Variants in PPFIA2 observed in about 807,000 individuals in gnomAD.
The protein encoded by PPFIA2 is PPFI scaffold protein A2.
Under a neutral mutation model 175.5 loss-of-function variants are expected in PPFIA2, and 46 were observed. That is an observed-to-expected ratio of 0.26 (90% CI 0.21 to 0.34). PPFIA2 has a LOEUF of 0.34. Ranked by LOEUF, PPFIA2 falls within the 10% of genes least tolerant of loss-of-function variation. The probability of loss-of-function intolerance (pLI) is 1.00; values close to 1 mark genes in which losing one functional copy is unlikely to be tolerated. For synonymous variants in PPFIA2, 568 were observed against 511.4 expected (o/e 1.11, Z -1.49); for missense variants, 1,179 against 1,506.1 (o/e 0.78, Z 3.60).
At chr12:81,671,046 C>T (rs909277448) in intron 4 of PPFIA2, among the ~76,000 whole-genome samples, 1 of 151,956 alleles carries the variant, frequency 6.6e-6, no homozygotes, top group Non-Finnish European at 1.5e-5. Context: ...AAATAAATAG[C>T]TTTAAATGAG....
chr12:81,513,964 G>A (rs2062096939), intron 4 of PPFIA2, among the ~76,000 whole-genome samples: 2 of 151,924 alleles, frequency 1.3e-5, no homozygotes, highest in African/African-American at 4.8e-5. Flanking sequence ...AAATGAACAA[G>A]CAAAGAAACC....
intron 4 of PPFIA2, among the ~76,000 whole-genome samples, chr12:81,539,162 G>A (rs1247902934): frequency 1.3e-5 from 2 of 151,926 alleles, no homozygotes; most frequent in African/African-American, 4.8e-5. Flanking sequence ...GGGAGCAGTT[G>A]AGAGATGAAG....
chr12:81,268,973 T>C (rs567787931), intron 28 of PPFIA2, among the ~76,000 whole-genome samples: 1 of 152,332 alleles, frequency 6.6e-6, no homozygotes, highest in South Asian at 2.1e-4. Flanking sequence ...AATCACATGC[T>C]AATGCAAAAT....
chr12:81,444,411 T>C (rs2050834325), intron 6 of PPFIA2, among the ~76,000 whole-genome samples: 1 of 152,162 alleles, frequency 6.6e-6, no homozygotes, highest in Admixed American at 6.6e-5. Flanking sequence ...TCTTAGCACT[T>C]TTATAAAAAG....
intron 4 of PPFIA2, among the ~76,000 whole-genome samples, chr12:81,486,151 T>C (rs1294258727): frequency 6.6e-6 from 1 of 151,924 alleles, no homozygotes; most frequent in Non-Finnish European, 1.5e-5. Flanking sequence ...GCACTTAATA[T>C]GTATCAGCTT....
In PPFIA2 at chr12:81,323,388, C is replaced by T. The variant is rs138145595; in HGVS notation, c.2642+2389G>A. On this transcript the variant is annotated intron_variant, in intron 22 of 32. Transcript: ENST00000549396. ...GGATAGCACAGGTTGCAACTGTGTACGTACGATCTGTAGTGCTCAACATTA... is the reference window on the plus strand; with the variant it reads ...GGATAGCACAGGTTGCAACTGTGTATGTACGATCTGTAGTGCTCAACATTA... Among the ~76,000 whole-genome samples, 17 of 152,142 alleles carry T rather than the reference C, an allele frequency of 1.1e-4. No homozygotes were observed. The East Asian group carries it at 3.1e-3, about 28-fold the overall frequency.
At chr12:81,343,035 G>C (rs1203925191) in intron 19 of PPFIA2, among the ~76,000 whole-genome samples, 1 of 151,704 alleles carries the variant, frequency 6.6e-6, no homozygotes, top group Admixed American at 6.6e-5. Flanking sequence ...ATTAGAGAGG[G>C]ATTTGAATTC....
At chr12:81,403,459 G>A (rs1039413351) in intron 8 of PPFIA2, among the ~76,000 whole-genome samples, 12 of 152,198 alleles carry the variant, frequency 7.9e-5, no homozygotes, top group African/African-American at 2.7e-4. Context: ...TATATTGTTA[G>A]AGTAGGTAGT....
chr12:81,500,486 G>A (rs898610564), intron 4 of PPFIA2, among the ~76,000 whole-genome samples: 1 of 152,178 alleles, frequency 6.6e-6, no homozygotes, highest in Non-Finnish European at 1.5e-5. Flanking sequence ...AGTTTCCAGA[G>A]CAAAGGGCAC....
intron 3 of PPFIA2, among the ~76,000 whole-genome samples, chr12:81,734,099 C>T (rs2081271763): frequency 6.6e-6 from 1 of 151,812 alleles, no homozygotes; most frequent in Non-Finnish European, 1.5e-5. Context: ...CATATTACCA[C>T]TGTTTCCTAT....
At position 81,318,541 on chromosome 12, in the gene PPFIA2, C is replaced by T. The variant is rs1262384174; in HGVS notation, c.2642+7236G>A. ...CAGATTTGGATGCCTCTGTAAAAATCATCCTTAAGTATATTCTTTATCTAA... is the reference window on the plus strand; with the variant it reads ...CAGATTTGGATGCCTCTGTAAAAATTATCCTTAAGTATATTCTTTATCTAA... On this transcript the variant is annotated intron_variant, in intron 22 of 32. Coordinates refer to ENST00000549396, the MANE Select transcript of PPFIA2 (RefSeq NM_003625.5). 2.6e-5 allele frequency among the ~76,000 whole-genome samples: 4 copies of T among 151,630 alleles called. No individual in the cohort carries two copies. In the East Asian group the frequency reaches 7.7e-4, roughly 29 times the overall value.
chr12:81,616,322 G>T (rs57461231), intron 4 of PPFIA2, among the ~76,000 whole-genome samples: 1 of 151,920 alleles, frequency 6.6e-6, no homozygotes, highest in African/African-American at 2.4e-5. Context: ...CTTTTTCTCC[G>T]TCAAATTCTA....
chr12:81,638,264 C>T (rs2064383320), intron 4 of PPFIA2, among the ~76,000 whole-genome samples: 1 of 152,140 alleles, frequency 6.6e-6, no homozygotes, highest in South Asian at 2.1e-4. Context: ...GATCATCTGA[C>T]TGCATGGCAG....
At position 81,445,506 on chromosome 12, in the gene PPFIA2, T is replaced by C; in HGVS notation, c.570+50A>G. The C allele has an allele frequency of 3.9e-6, 6 of 1,553,914 alleles. No homozygotes were observed. In the East Asian group the frequency reaches 6.8e-5, roughly 18 times the overall value. ...CAATGGATGAAGACAAAGAGCTTGA[T>C]GCTGATGACAGAAGTGTAGTTAAGC... On this transcript the variant is annotated intron_variant, in intron 6 of 32. Coordinates refer to ENST00000549396, the MANE Select transcript of PPFIA2 (RefSeq NM_003625.5).
chr12:81,317,616 T>C (rs963871146), intron 22 of PPFIA2, among the ~76,000 whole-genome samples: 1 of 151,614 alleles, frequency 6.6e-6, no homozygotes, highest in African/African-American at 2.4e-5. Flanking sequence ...AACCCAGGTT[T>C]CAGGTTTGGT....
At chr12:81,662,842 A>C (rs1413028957) in intron 4 of PPFIA2, among the ~76,000 whole-genome samples, 1 of 152,210 alleles carries the variant, frequency 6.6e-6, no homozygotes, top group Non-Finnish European at 1.5e-5. Context: ...CATATCAAAA[A>C]GCTTATCCAC....
intron 5 of PPFIA2, among the ~76,000 whole-genome samples, chr12:81,455,046 A>G (rs1408323680): frequency 6.6e-6 from 1 of 152,120 alleles, no homozygotes; most frequent in Non-Finnish European, 1.5e-5. Context: ...TCACAATCTG[A>G]CACCAATTAA....
chr12:81,647,478 A>G (rs2066284695), intron 4 of PPFIA2, among the ~76,000 whole-genome samples: 1 of 151,918 alleles, frequency 6.6e-6, no homozygotes, highest in Non-Finnish European at 1.5e-5. Context: ...AAAACCAAAT[A>G]TGGCTGGGTG....
chr12:81,686,480 G>A (rs563791107), intron 3 of PPFIA2, among the ~76,000 whole-genome samples: 27 of 152,096 alleles, frequency 1.8e-4, no homozygotes, highest in African/African-American at 4.8e-4. Flanking sequence ...TTTGTGTGTC[G>A]CTTTTTCTTG....
Sources: gnomAD v4.1 joint callset for allele counts (sites outside exome capture counted in the v4.1 genomes callset) on GRCh38, gnomAD v4.1.1 for gene constraint, MANE v1.5 for transcripts, NCBI Gene and HGNC (gene_info 2026-07-23, HGNC 2026-07-21) for gene names.